Variants in TCAIM observed in about 807,000 individuals in gnomAD.
The protein encoded by TCAIM is T cell activation inhibitor, mitochondrial, also known as T-cell activation inhibitor, mitochondrial.
A neutral mutation model predicts 58.6 loss-of-function variants in TCAIM; 36 were observed. The ratio of observed to expected loss-of-function variants is 0.61; its 90% CI spans 0.47 to 0.81. The LOEUF (loss-of-function observed/expected upper bound fraction) is 0.81. Among genes scored for constraint, TCAIM ranks in the 30% least tolerant of loss-of-function variants. The pLI is 0.00. For synonymous variants in TCAIM, 172 were observed against 193.6 expected (o/e 0.89, Z 0.93); for missense variants, 466 against 579.6 (o/e 0.80, Z 2.01).
intron 5 of TCAIM, among the ~76,000 whole-genome samples, chr3:44,379,474 G>C (rs1027064404): frequency 1.3e-5 from 2 of 152,134 alleles, no homozygotes; most frequent in Non-Finnish European, 2.9e-5. Context: ...CAACCTCAAT[G>C]CCCATCAATG....
chr3:44,387,208 C>T (rs1268345149), intron 5 of TCAIM, among the ~76,000 whole-genome samples: 1 of 152,186 alleles, frequency 6.6e-6, no homozygotes, highest in Non-Finnish European at 1.5e-5. Flanking sequence ...AAGCTGGACA[C>T]TCGTGGGGAC....
intron 1 of TCAIM, chr3:44,340,314 T>C (rs1386720830): frequency 1.3e-5 from 2 of 152,204 alleles, no homozygotes; most frequent in African/African-American, 2.4e-5. Context: ...TCAGGCCTTC[T>C]AATTTAGCTT....
intron 1 of TCAIM, among the ~76,000 whole-genome samples, chr3:44,346,628 G>C (rs532534534): frequency 6.6e-6 from 1 of 152,210 alleles, no homozygotes; most frequent in African/African-American, 2.4e-5. Context: ...TAAGAGGCAC[G>C]CTAGCGGCTT....
At chr3:44,382,644 G>T (rs549632132) in intron 5 of TCAIM, among the ~76,000 whole-genome samples, 3 of 152,254 alleles carry the variant, frequency 2.0e-5, no homozygotes, top group East Asian at 1.9e-4. Flanking sequence ...ACTCTTAGAA[G>T]AAAACATAGG....
At chr3:44,361,231 A>G (rs1056458977) in intron 3 of TCAIM, 134 bp from the exon 4 acceptor site, 4 of 712,746 alleles carry the variant, frequency 5.6e-6, no homozygotes, top group Non-Finnish European at 8.4e-6. Flanking sequence ...TTTACCAAAG[A>G]GCTATGAAAT....
upstream of TCAIM, chr3:44,338,304 C>G (rs1196288149): frequency 6.6e-6 from 1 of 152,392 alleles, no homozygotes; most frequent in Non-Finnish European, 1.5e-5. Context: ...CGCGCCGAGA[C>G]CCCTCAGGGC....
At chr3:44,399,644 G>T (rs1010406141) in intron 8 of TCAIM, among the ~76,000 whole-genome samples, 1 of 151,916 alleles carries the variant, frequency 6.6e-6, no homozygotes, top group Admixed American at 6.6e-5. Flanking sequence ...TTCCATATTT[G>T]CACATGCTCT....
intron 6 of TCAIM, among the ~76,000 whole-genome samples, chr3:44,393,802 T>A (rs1701880119): frequency 6.6e-6 from 1 of 152,156 alleles, no homozygotes; most frequent in African/African-American, 2.4e-5. Context: ...GTATTTGAGT[T>A]TAAAAAGAGG....
chr3:44,377,178 G>A (rs544465191), intron 5 of TCAIM, among the ~76,000 whole-genome samples: 1 of 152,272 alleles, frequency 6.6e-6, no homozygotes, highest in Admixed American at 6.5e-5. Flanking sequence ...GAAAGTGAAA[G>A]GGTGGAAAAA....
In TCAIM at chr3:44,360,597, C is replaced by CT. The variant is rs796123079; in HGVS notation, c.166-755dup. On this transcript the variant is annotated intron_variant, in intron 3 of 10. Coordinates refer to ENST00000342649, the MANE Select transcript of TCAIM (RefSeq NM_173826.4). ...TTCCTATTCACTTCCTATATATAATCTTTTTTTTTTTTTAATTTTTTTGGA... is the reference window on the plus strand; with the variant it reads ...TTCCTATTCACTTCCTATATATAATCTTTTTTTTTTTTTTAATTTTTTTGGA... Among the ~76,000 whole-genome samples, 833 of 145,176 alleles carry CT rather than the reference C, an allele frequency of 5.7e-3. 1 individual carries two copies. The highest frequency in any genetic ancestry group is 7.7e-3 in the Non-Finnish European group (506 of 65,734).
intron 5 of TCAIM, chr3:44,391,196 T>G (rs1395826872): frequency 6.6e-6 from 1 of 152,130 alleles, no homozygotes; most frequent in Non-Finnish European, 1.5e-5. Flanking sequence ...TTTTTTTTTT[T>G]GTAATTTTTA....
chr3:44,347,345 TA>T (rs1185841970), intron 1 of TCAIM, among the ~76,000 whole-genome samples: 3 of 151,738 alleles, frequency 2.0e-5, no homozygotes, highest in Non-Finnish European at 4.4e-5. Context: ...AGAAAGAGAG[TA>T]AATTATGAGA....
At chr3:44,339,029 A>AGG (rs1280891131) in intron 1 of TCAIM, among the ~76,000 whole-genome samples, 195 bp downstream of exon 1, 13 of 152,206 alleles carry the variant, frequency 8.5e-5, no homozygotes, top group Admixed American at 7.8e-4. Flanking sequence ...AAGACGATTT[A>AGG]GGTTTTATTG....
intron 5 of TCAIM, among the ~76,000 whole-genome samples, chr3:44,379,206 T>A (rs13319787): frequency 0.01 from 1,521 of 151,666 alleles, 23 homozygotes; most frequent in African/African-American, 0.035. Flanking sequence ...AAAAATTAAT[T>A]AATAAATAAA....
At chr3:44,378,175 G>A (rs1377711540) in intron 5 of TCAIM, among the ~76,000 whole-genome samples, 1 of 151,786 alleles carries the variant, frequency 6.6e-6, no homozygotes, top group African/African-American at 2.4e-5. Flanking sequence ...GAGGTCCAGA[G>A]TTTGAGACCA....
chr3:44,358,369 T>C, intron 3 of TCAIM: 1 of 681,484 alleles, frequency 1.5e-6, no homozygotes. Flanking sequence ...AGACAGTCAA[T>C]ATATTTTAAC....
At chr3:44,385,830 C>T (rs540788318) in intron 5 of TCAIM, among the ~76,000 whole-genome samples, 6 of 152,172 alleles carry the variant, frequency 3.9e-5, no homozygotes, top group South Asian at 2.1e-4. Flanking sequence ...CAGAAACACA[C>T]GATGGTGTCT....
rs1201521521 is a variant in TCAIM at position 44,379,703 on chromosome 3, C to CAG, written c.572+11997_572+11998dup. ...CCAATGGGCACAACACAGAGAACAA[C>CAG]AGACACTGGGGATAACTAGAGCGGG... is the stretch of plus-strand genomic sequence containing the variant. On this transcript the variant is annotated intron_variant, in intron 5 of 10. Transcript: ENST00000342649. Among the ~76,000 whole-genome samples the CAG allele has an allele frequency of 2.6e-5, 4 of 152,160 alleles. No individual in the cohort carries two copies. In the East Asian group the frequency reaches 7.7e-4, roughly 29 times the overall value.
At chr3:44,354,486 A>G (rs906954311) in intron 1 of TCAIM, among the ~76,000 whole-genome samples, 2 of 152,186 alleles carry the variant, frequency 1.3e-5, no homozygotes, top group African/African-American at 2.4e-5. Flanking sequence ...CATTGAATCT[A>G]TAGATCAAGT....
Sources: allele counts gnomAD v4.1 joint callset (sites outside exome capture counted in the v4.1 genomes callset), GRCh38; gene constraint gnomAD v4.1.1; transcripts MANE v1.5; gene names NCBI Gene and HGNC (gene_info 2026-07-23, HGNC 2026-07-21).